The following REXO1 variants were observed in gnomAD, a reference collection of about 807,000 sequenced individuals.
The protein encoded by REXO1 is RNA exonuclease 1 homolog.
A neutral mutation model predicts 102.6 loss-of-function variants in REXO1; 42 were observed. That is an observed-to-expected ratio of 0.41 (90% CI 0.32 to 0.53). The LOEUF (loss-of-function observed/expected upper bound fraction) is 0.53. Among genes scored for constraint, REXO1 ranks in the 20% least tolerant of loss-of-function variants. The pLI is 0.27. For synonymous variants in REXO1, 908 were observed against 779.1 expected, an observed-to-expected ratio of 1.17 and a Z score of -2.76; for missense variants, 1,819 against 1,732.5, an observed-to-expected ratio of 1.05 and a Z score of -0.89.
chr19:1,848,122 G>A, intron 1 of REXO1, 80 bp downstream of exon 1: 2 of 712,548 alleles, frequency 2.8e-6, no homozygotes, highest in East Asian at 3.6e-5. Flanking sequence ...CCGAGAACGG[G>A]GACCCCGGGC....
rs1395647953 is a variant in REXO1, at chr19:1,826,810, G to C, written c.1911+68C>G. 4 of 1,529,936 alleles carry C rather than the reference G, an allele frequency of 2.6e-6. No homozygotes were observed. Among genetic ancestry groups the C allele is most frequent in the African/African-American group, 2.8e-5 (2 of 71,636 alleles). 94.8% of individuals were successfully genotyped at this position (1,529,936 alleles called of 1,614,324 possible). A position where few individuals can be genotyped will look rare whatever the true frequency, so the allele number is the denominator to read the frequency against. ...AGCCAACTGGAAACCACTCCAGATA[G>C]AAGGTCTCTCACCAGGCCCTCGGCT... On this transcript the variant is annotated intron_variant, in intron 2 of 15. Coordinates refer to ENST00000170168, the MANE Select transcript of REXO1 (RefSeq NM_020695.4). This position sits in a 1 kb window ranked among gnomAD's most constrained non-coding sequence, Gnocchi z 4.3.
In REXO1 at chr19:1,848,250, G is replaced by A. The variant is rs1369695854; in HGVS notation, c.109C>T (p.Arg37Trp). ...CCGTCACCGGGCGCGCCGGAGCCCC[G>A]GGCCCCGCGGTGCCGGAAGTGGCAG... ...PYCHFRHRGA[R>W]GSGAPGDGGE... The change falls in exon 1 of 16, where the codon CGG becomes TGG. Residue 37 changes from arginine to tryptophan, a missense_variant. By Grantham distance (101) the Arg-to-Trp change is moderately radical. Coordinates refer to ENST00000170168, the MANE Select transcript of REXO1 (RefSeq NM_020695.4). 4.1e-6 allele frequency: 5 copies of A among 1,229,914 alleles called. No homozygotes were observed. In the African/African-American group the frequency reaches 7.8e-5, roughly 19 times the overall value. The allele number at this position is 1,229,914 out of a possible 1,614,324, so 76.2% of individuals were successfully genotyped here.
rs750096560 is a variant in REXO1, at chr19:1,826,840, C to T, written c.1911+38G>A. On this transcript the variant is annotated intron_variant, in intron 2 of 15. Transcript: ENST00000170168. The surrounding 1 kb of genome is among the most constrained non-coding windows in gnomAD (Gnocchi z 4.3). ...TCTCTCACCAGGCCCTCGGCTCTGC[C>T]TCTGCCCGAGCCCAGCCCCAGCACC... is the stretch of plus-strand genomic sequence containing the variant. 6.5e-7 allele frequency: 1 copy of T among 1,549,134 alleles called. No homozygotes were observed. Among genetic ancestry groups the T allele is most frequent in the Non-Finnish European group, 8.7e-7 (1 of 1,148,386 alleles).
At chr19:1,824,052 T>C in intron 3 of REXO1, 3 of 370,492 alleles carry the variant, frequency 8.1e-6, no homozygotes, top group Middle Eastern at 6.9e-4. Context: ...TGGGCGGGAC[T>C]ACCCCGATTA....
At chr19:1,844,846 G>C (rs1001763876) in intron 1 of REXO1, among the ~76,000 whole-genome samples, 2 of 152,238 alleles carry the variant, frequency 1.3e-5, no homozygotes, top group Non-Finnish European at 2.9e-5. Context: ...CGCAGCACTA[G>C]CATCCCCTCA....
At chr19:1,843,247 G>A (rs1178078047) in intron 1 of REXO1, among the ~76,000 whole-genome samples, 3 of 148,184 alleles carry the variant, frequency 2.0e-5, no homozygotes, top group Non-Finnish European at 3.0e-5. Flanking sequence ...GCTGGGCAAA[G>A]CTTCAACCCC....
intron 3 of REXO1, chr19:1,824,081 A>C: frequency 4.7e-5 from 15 of 318,870 alleles, no homozygotes; most frequent in Non-Finnish European, 5.7e-5. Context: ...CTCCAATCCA[A>C]TCCCACTACG....
intron 1 of REXO1, among the ~76,000 whole-genome samples, chr19:1,845,314 G>A (rs956515699): frequency 3.9e-5 from 6 of 152,324 alleles, no homozygotes; most frequent in South Asian, 2.1e-4. Context: ...GGTGCCCGCC[G>A]TAAGGGCTGC....
intron 1 of REXO1, among the ~76,000 whole-genome samples, chr19:1,838,492 A>G (rs1269200180): frequency 2.0e-5 from 3 of 150,532 alleles, no homozygotes; most frequent in Non-Finnish European, 1.5e-5. Flanking sequence ...GTGGTGGCAC[A>G]TGCCTGTAAT....
At position 1,815,814 on chromosome 19, in the gene REXO1, C is replaced by T; in HGVS notation, c.*252G>A. 1 of 1,499,668 alleles carries T rather than the reference C, an allele frequency of 6.7e-7. No individual in the cohort carries two copies. Among genetic ancestry groups the T allele is most frequent in the Non-Finnish European group, 8.9e-7 (1 of 1,126,046 alleles). 92.9% of individuals were successfully genotyped at this position (1,499,668 alleles called of 1,614,324 possible). Reference sequence around the variant, plus strand: ...GGGTGGGGGCGGGCTCTGTCCTGGTCTCCATCAGCAGCAGTTTCTAGAGAC... The same window carrying T: ...GGGTGGGGGCGGGCTCTGTCCTGGTTTCCATCAGCAGCAGTTTCTAGAGAC... On this transcript the variant is annotated 3_prime_UTR_variant, in exon 16 of 16. Transcript: ENST00000170168. The surrounding 1 kb of genome is among the most constrained non-coding windows in gnomAD (Gnocchi z 4.0).
intron 1 of REXO1, chr19:1,834,988 C>T (rs774945851): frequency 2.3e-6 from 1 of 432,632 alleles, no homozygotes; most frequent in African/African-American, 2.0e-5. Flanking sequence ...GGCCTGGGCG[C>T]TCCAGCCAGG....
At chr19:1,838,334 A>AAC (rs1431210332) in intron 1 of REXO1, among the ~76,000 whole-genome samples, 2 of 150,628 alleles carry the variant, frequency 1.3e-5, no homozygotes, top group African/African-American at 4.9e-5. Flanking sequence ...AAAAAAAAAA[A>AAC]CCAGCTGGGC....
In REXO1 at chr19:1,839,866, G is replaced by A. The variant is rs146992454; in HGVS notation, c.157+8336C>T. On this transcript the variant is annotated intron_variant, in intron 1 of 15. Transcript: ENST00000170168. ...AGCCCTCACCTCACTCCACCTCCTCGGCCGTGGTGCACGGGGCGGTGGCCA... is the reference window on the plus strand; with the variant it reads ...AGCCCTCACCTCACTCCACCTCCTCAGCCGTGGTGCACGGGGCGGTGGCCA... 3.9e-3 allele frequency among the ~76,000 whole-genome samples: 598 copies of A among 152,294 alleles called. 5 individuals are homozygous for A. The highest frequency in any genetic ancestry group is 0.014 in the African/African-American group (568 of 41,570).
chr19:1,833,746 G>A (rs1050623540), intron 1 of REXO1, among the ~76,000 whole-genome samples: 2 of 152,252 alleles, frequency 1.3e-5, no homozygotes, highest in African/African-American at 4.8e-5. Flanking sequence ...CTGGTGAACA[G>A]GGCAACTAGT....
chr19:1,820,069 G>A lies in REXO1; in HGVS notation c.2527-12C>T, dbSNP rs1241772104. On this transcript the variant is annotated splice_polypyrimidine_tract_variant and intron_variant, in intron 6 of 15. Transcript: ENST00000170168. Reference sequence around the variant, plus strand: ...TCCTCGTTCAGTGCCTGGGGGACAGGCGGTGCCCAGCTGAGGCCATGCCTG... The same window carrying A: ...TCCTCGTTCAGTGCCTGGGGGACAGACGGTGCCCAGCTGAGGCCATGCCTG... The A allele has an allele frequency of 1.4e-5, 23 of 1,598,272 alleles. No individual in the cohort carries two copies. Among genetic ancestry groups the A allele is most frequent in the Non-Finnish European group, 2.0e-5 (23 of 1,175,726 alleles).
chr19:1,838,058 C>T lies in REXO1; in HGVS notation c.158-9427G>A, dbSNP rs80212192. 1.5e-3 allele frequency among the ~76,000 whole-genome samples: 220 copies of T among 151,638 alleles called. 1 individual carries two copies. In the Middle Eastern group the frequency reaches 0.024, roughly 17 times the overall value. On this transcript the variant is annotated intron_variant, in intron 1 of 15. Coordinates refer to ENST00000170168, the MANE Select transcript of REXO1 (RefSeq NM_020695.4). ...CGCAGTAGCTCACGGCTCTAATCCC[C>T]GCGCTCTGGGAGGCTGAGCCCAAGG...
chr19:1,836,963 G>C (rs1175398435), intron 1 of REXO1, among the ~76,000 whole-genome samples: 2 of 152,174 alleles, frequency 1.3e-5, no homozygotes, highest in African/African-American at 4.8e-5. Flanking sequence ...GGACAAAAAA[G>C]ATAAGCCTGA....
rs757803150 is a variant in REXO1, at chr19:1,817,461, G to A, written c.3091-132C>T. ...ACGCCCATTCACTGGTTGGGACCCT[G>A]GTGAGCAGGTGGGGAAGGGGGCTTG... On this transcript the variant is annotated intron_variant, in intron 11 of 15. Transcript: ENST00000170168. 5 of 1,484,286 alleles carry A rather than the reference G, an allele frequency of 3.4e-6. No individual in the cohort carries two copies. The Admixed American group carries it at 1.1e-4, about 33-fold the overall frequency. The allele number at this position is 1,484,286 out of a possible 1,614,324, so 91.9% of individuals were successfully genotyped here.
At chr19:1,828,941 G>A (rs2069828458) in intron 1 of REXO1, among the ~76,000 whole-genome samples, 1 of 152,234 alleles carries the variant, frequency 6.6e-6, no homozygotes, top group African/African-American at 2.4e-5. Flanking sequence ...GACCATGGTG[G>A]GGTGGACACT....
Sources: gnomAD v4.1 joint callset for allele counts (sites outside exome capture counted in the v4.1 genomes callset) on GRCh38, gnomAD v4.1.1 for gene constraint, Gnocchi (gnomAD v3.1) non-coding constraint, MANE v1.5 for transcripts, NCBI Gene and HGNC (gene_info 2026-07-23, HGNC 2026-07-21) for gene names.